Variants in PAPOLA observed in about 807,000 individuals in gnomAD.
PAPOLA encodes the protein polynucleotide adenylyltransferase alpha.
Under a neutral mutation model 100.6 loss-of-function variants are expected in PAPOLA, and 15 were observed. The ratio of observed to expected loss-of-function variants is 0.15; its 90% CI spans 0.10 to 0.23. The LOEUF (loss-of-function observed/expected upper bound fraction) is 0.23. Ranked by LOEUF, PAPOLA falls within the 10% of genes least tolerant of loss-of-function variation. The pLI is 1.00. For synonymous variants in PAPOLA, 293 were observed against 300.0 expected, an observed-to-expected ratio of 0.98 and a Z score of 0.24; for missense variants, 533 against 884.2, an observed-to-expected ratio of 0.60 and a Z score of 5.04.
intron 11 of PAPOLA, 174 bp from the exon 12 acceptor site, chr14:96,536,801 TA>T (rs201476085): frequency 5.5e-3 from 2,154 of 389,360 alleles, no homozygotes; most frequent in South Asian, 7.2e-3. Flanking sequence ...TCCAGCTTTT[TA>T]AAAAAAAAAT....
At chr14:96,536,696 C>T (rs758146382) in intron 11 of PAPOLA, among the ~76,000 whole-genome samples, 2 of 151,734 alleles carry the variant, frequency 1.3e-5, no homozygotes, top group African/African-American at 4.8e-5. Flanking sequence ...TTTTCCTTCT[C>T]GGGTAACTGG....
chr14:96,546,060 T>C (rs867310717), intron 15 of PAPOLA, among the ~76,000 whole-genome samples: 3 of 152,220 alleles, frequency 2.0e-5, no homozygotes, highest in Middle Eastern at 3.4e-3. Context: ...TTATGGGATT[T>C]TTAAAGAAAA....
chr14:96,560,915 T>C (rs986947125), intron 20 of PAPOLA, among the ~76,000 whole-genome samples: 3 of 152,194 alleles, frequency 2.0e-5, no homozygotes, highest in African/African-American at 7.2e-5. Context: ...GAGCTTATAA[T>C]TAAGTAGACA....
At chr14:96,550,574 T>A (rs1365282649) in intron 16 of PAPOLA, among the ~76,000 whole-genome samples, 3 of 152,242 alleles carry the variant, frequency 2.0e-5, no homozygotes, top group Non-Finnish European at 4.4e-5. Context: ...GACTGTTCAG[T>A]GCCTGTTACC....
rs749830818 is a variant in PAPOLA, at chr14:96,535,959, C to T, written c.990C>T (p.Ser330=). ...AACAGAACTCCACGTACAATGTGTCCGTTTCAACACGGATGGTCATGGTTG... is the reference window on the plus strand; with the variant it reads ...AACAGAACTCCACGTACAATGTGTCTGTTTCAACACGGATGGTCATGGTTG... The part of the protein sequence containing the change: ...YPQQNSTYNV[S]VSTRMVMVEE... The change falls in exon 11 of 22, where the codon TCC becomes TCT. Residue 330 remains serine (S), a synonymous_variant. Transcript: ENST00000216277. 4 of 1,606,838 alleles carry T rather than the reference C, an allele frequency of 2.5e-6. 1 individual carries two copies. The South Asian group carries it at 3.3e-5, about 13-fold the overall frequency.
At position 96,537,052 on chromosome 14, in the gene PAPOLA, A is replaced by G. The variant is rs754523226; in HGVS notation, c.1107A>G (p.Gln369=). 2.5e-6 allele frequency: 4 copies of G among 1,587,856 alleles called. No individual in the cohort carries two copies. Among genetic ancestry groups the G allele is most frequent in the Non-Finnish European group, 2.6e-6 (3 of 1,156,288 alleles). ...TTTTTGAAGCTCCAAACTTCTTTCA[A>G]AAGTACAAGTATGTATTTTAAGGCA... ...SKLFEAPNFF[Q]KYKHYIVLLA... Residue 369 remains glutamine (Q), a synonymous_variant, in exon 12 of 22, where the codon CAA becomes CAG. Transcript: ENST00000216277.
intron 1 of PAPOLA, among the ~76,000 whole-genome samples, chr14:96,516,740 A>T (rs530718259): frequency 4.1e-4 from 63 of 152,342 alleles, no homozygotes; most frequent in African/African-American, 1.5e-3. Flanking sequence ...AATAAAGTAA[A>T]TAAAAATTTC....
rs1233087197 is a variant in PAPOLA, at chr14:96,566,280, G to A, written c.*1230G>A. The A allele has an allele frequency of 1.0e-5, 2 of 190,628 alleles. No homozygotes were observed. Among genetic ancestry groups the A allele is most frequent in the Admixed American group, 6.1e-5 (1 of 16,442 alleles). The allele number at this position is 190,628 out of a possible 1,614,324, so 11.8% of individuals were successfully genotyped here. On this transcript the variant is annotated 3_prime_UTR_variant, in exon 22 of 22. Transcript: ENST00000216277. ...ATTTCTAGCAAGCACTTGACATCTAGTCAGCTCTCTACTCCTTTATTTTGT... is the reference window on the plus strand; with the variant it reads ...ATTTCTAGCAAGCACTTGACATCTAATCAGCTCTCTACTCCTTTATTTTGT...
intron 19 of PAPOLA, among the ~76,000 whole-genome samples, chr14:96,559,599 A>G (rs981722755): frequency 4.1e-5 from 6 of 147,876 alleles, no homozygotes; most frequent in Non-Finnish European, 6.0e-5. Context: ...ATATATATAC[A>G]CACACACATA....
chr14:96,562,826 T>C lies in PAPOLA; in HGVS notation c.2075T>C (p.Leu692Pro), dbSNP rs1901970136. 3 of 1,606,992 alleles carry C rather than the reference T, an allele frequency of 1.9e-6. 1 individual carries two copies. Residue 692 changes from leucine to proline, a missense_variant, in exon 21 of 22, where the codon CTT becomes CCT. This residue lies in a region of PAPOLA where 242 missense variants were observed against 281.0 expected (regional missense o/e 0.86). Coordinates refer to ENST00000216277, the MANE Select transcript of PAPOLA (RefSeq NM_032632.5). ...GHDKTEAKEQ[L>P]DTETSTTQSE... ...ATCCTCTTTGTCTCACAGGAACAACTTGATACAGAGACAAGTACAACTCAA... is the reference window on the plus strand; with the variant it reads ...ATCCTCTTTGTCTCACAGGAACAACCTGATACAGAGACAAGTACAACTCAA...
At chr14:96,547,553 CTATT>C in intron 15 of PAPOLA, 1 of 278,586 alleles carries the variant, frequency 3.6e-6, no homozygotes, top group Admixed American at 5.0e-5. Context: ...ACTTTAAGAG[CTATT>C]TAAAGGGTTA....
intron 8 of PAPOLA, 40 bp downstream of exon 8, chr14:96,532,460 C>CA (rs1899120146): frequency 6.2e-7 from 1 of 1,605,758 alleles, no homozygotes; most frequent in Non-Finnish European, 8.5e-7. Flanking sequence ...TAAAAATGTT[C>CA]AAACTTTTGT....
chr14:96,520,008 A>G, intron 1 of PAPOLA, 47 bp from the exon 2 acceptor site: 1 of 1,464,970 alleles, frequency 6.8e-7, no homozygotes, highest in Non-Finnish European at 9.3e-7. Flanking sequence ...ATTTGTTTCA[A>G]ATTGTAGAAT....
intron 19 of PAPOLA, among the ~76,000 whole-genome samples, chr14:96,557,832 A>G (rs1426197985): frequency 6.6e-6 from 1 of 152,056 alleles, no homozygotes; most frequent in African/African-American, 2.4e-5. Flanking sequence ...TGAGAATGAA[A>G]AACGGGTATT....
At chr14:96,555,197 C>T (rs1459251208) in intron 17 of PAPOLA, among the ~76,000 whole-genome samples, 1 of 145,268 alleles carries the variant, frequency 6.9e-6, no homozygotes, top group African/African-American at 2.5e-5. Flanking sequence ...TTTCTCAGAA[C>T]ATTTGCTCAT....
At chr14:96,535,530 A>G (rs1899443734) in intron 10 of PAPOLA, 1 of 995,254 alleles carries the variant, frequency 1.0e-6, no homozygotes, top group South Asian at 4.7e-5. Flanking sequence ...GTAGCATGAC[A>G]TGTCTCTAAA....
intron 12 of PAPOLA, among the ~76,000 whole-genome samples, chr14:96,538,837 T>C (rs1330153613): frequency 6.6e-6 from 1 of 152,064 alleles, no homozygotes; most frequent in Non-Finnish European, 1.5e-5. Flanking sequence ...AAATGTTTAG[T>C]CTTCCCATGA....
chr14:96,556,585 C>A (rs535235438), intron 19 of PAPOLA, among the ~76,000 whole-genome samples, 172 bp downstream of exon 19: 60 of 152,224 alleles, frequency 3.9e-4, no homozygotes, highest in Admixed American at 9.2e-4. Context: ...CTTCACCTTT[C>A]CCATTCTTCT....
intron 20 of PAPOLA, 95 bp from the exon 21 acceptor site, chr14:96,562,724 C>A: frequency 1.4e-6 from 1 of 701,032 alleles, no homozygotes; most frequent in Admixed American, 2.3e-5. Flanking sequence ...TCCTGTCTTC[C>A]AGTTTGTCTT....
Sources: allele counts gnomAD v4.1 joint callset (sites outside exome capture counted in the v4.1 genomes callset), GRCh38; gene constraint gnomAD v4.1.1; regional missense constraint gnomAD v4.1.1; transcripts MANE v1.5; gene names NCBI Gene and HGNC (gene_info 2026-07-23, HGNC 2026-07-21).